ALCAM: variants seen among roughly 807,000 people sequenced by gnomAD.
The protein encoded by ALCAM is activated leukocyte cell adhesion molecule, also known as CD166 antigen.
ALCAM carries 30 observed loss-of-function variants against 70.9 expected under a neutral mutation model. That is an observed-to-expected ratio of 0.42 (90% confidence interval 0.32 to 0.57). The LOEUF (loss-of-function observed/expected upper bound fraction) is 0.57. Ranked by LOEUF, ALCAM falls within the 20% of genes least tolerant of loss-of-function variation. ALCAM has a pLI of 0.11. For missense variants in ALCAM, 591 were observed against 695.1 expected (o/e 0.85, Z 1.68); for synonymous variants, 249 against 242.5 (o/e 1.03, Z -0.25).
At chr3:105,409,254 T>C (rs895682941) in intron 1 of ALCAM, among the ~76,000 whole-genome samples, 2 of 152,120 alleles carry the variant, frequency 1.3e-5, no homozygotes, top group Non-Finnish European at 2.9e-5. Context: ...TGCATGTTTA[T>C]AGCAGCACAA....
chr3:105,524,227 A>C (rs1226434343), intron 2 of ALCAM, 62 bp from the exon 3 acceptor site: 1 of 1,351,244 alleles, frequency 7.4e-7, no homozygotes, highest in African/African-American at 1.5e-5. Flanking sequence ...TGTTATTTTG[A>C]ATGTAATCCT....
intron 1 of ALCAM, chr3:105,439,353 G>C (rs1480109280): frequency 2.0e-5 from 3 of 151,966 alleles, no homozygotes; most frequent in Non-Finnish European, 2.9e-5. Context: ...TTATTTGAAT[G>C]GTTTGTGCAA....
chr3:105,545,088 T>C (rs890663573), intron 8 of ALCAM, 135 bp from the exon 9 acceptor site: 25 of 666,534 alleles, frequency 3.8e-5, no homozygotes, highest in African/African-American at 3.6e-4. Flanking sequence ...CCAATTATTT[T>C]AGTCATATAA....
At chr3:105,434,271 A>G (rs529158879) in intron 1 of ALCAM, among the ~76,000 whole-genome samples, 1 of 152,290 alleles carries the variant, frequency 6.6e-6, no homozygotes, top group South Asian at 2.1e-4. Flanking sequence ...GTTTGACTAT[A>G]AAATATTTTA....
At chr3:105,413,840 A>T (rs942376146) in intron 1 of ALCAM, among the ~76,000 whole-genome samples, 1 of 152,146 alleles carries the variant, frequency 6.6e-6, no homozygotes, top group Non-Finnish European at 1.5e-5. Flanking sequence ...GTTTTTGACT[A>T]AAGTTTTGCA....
chr3:105,396,464 AAG>A (rs1491392182), intron 1 of ALCAM, among the ~76,000 whole-genome samples: 4 of 152,062 alleles, frequency 2.6e-5, no homozygotes, highest in African/African-American at 4.8e-5. Context: ...AATCTGGAGA[AAG>A]AGACAAAACT....
At chr3:105,415,549 T>C (rs1936487094) in intron 1 of ALCAM, among the ~76,000 whole-genome samples, 1 of 152,142 alleles carries the variant, frequency 6.6e-6, no homozygotes, top group South Asian at 2.1e-4. Flanking sequence ...AAAGAAACAT[T>C]TATTGGTTCT....
intron 1 of ALCAM, among the ~76,000 whole-genome samples, chr3:105,499,079 A>T (rs1295363259): frequency 6.6e-6 from 1 of 152,204 alleles, no homozygotes; most frequent in African/African-American, 2.4e-5. Context: ...ACAAATTACA[A>T]TAGTACAATA....
chr3:105,396,049 A>G (rs1017699818), intron 1 of ALCAM, among the ~76,000 whole-genome samples: 1 of 152,060 alleles, frequency 6.6e-6, no homozygotes. Context: ...GTGCAATTTC[A>G]AGAAGCCTTG....
At chr3:105,570,391 G>T (rs562947420) in intron 14 of ALCAM, among the ~76,000 whole-genome samples, 2 of 152,100 alleles carry the variant, frequency 1.3e-5, no homozygotes, top group East Asian at 1.9e-4. Flanking sequence ...ATTGACATTT[G>T]GGAACTGAAA....
At chr3:105,434,013 C>T (rs1936995634) in intron 1 of ALCAM, among the ~76,000 whole-genome samples, 1 of 152,040 alleles carries the variant, frequency 6.6e-6, no homozygotes, top group Non-Finnish European at 1.5e-5. Flanking sequence ...TTCATTGTCC[C>T]ACTAAGGGGG....
At chr3:105,565,438 T>A (rs1443824758) in intron 14 of ALCAM, among the ~76,000 whole-genome samples, 3 of 152,204 alleles carry the variant, frequency 2.0e-5, no homozygotes, top group Non-Finnish European at 4.4e-5. Context: ...CATGAAATTA[T>A]CATTTCTGAT....
chr3:105,502,172 C>T (rs534176506), intron 1 of ALCAM, among the ~76,000 whole-genome samples: 1 of 152,126 alleles, frequency 6.6e-6, no homozygotes, highest in African/African-American at 2.4e-5. Flanking sequence ...AATATTTAAG[C>T]CTTGTCTTAT....
intron 14 of ALCAM, among the ~76,000 whole-genome samples, chr3:105,561,956 A>T (rs1051436020): frequency 6.6e-6 from 1 of 152,190 alleles, no homozygotes; most frequent in African/African-American, 2.4e-5. Context: ...TACAGTTTTC[A>T]CTAGGCATTA....
intron 1 of ALCAM, among the ~76,000 whole-genome samples, chr3:105,419,054 G>A (rs1046622391): frequency 2.0e-5 from 3 of 151,306 alleles, no homozygotes; most frequent in Non-Finnish European, 4.4e-5. Flanking sequence ...GCATCTATGG[G>A]GTCTCTGATT....
At chr3:105,456,131 A>G (rs1363944857) in intron 1 of ALCAM, among the ~76,000 whole-genome samples, 1 of 152,184 alleles carries the variant, frequency 6.6e-6, no homozygotes, top group Non-Finnish European at 1.5e-5. Context: ...TGTAAATGTG[A>G]TTGCAGACCT....
At position 105,491,530 on chromosome 3, in the gene ALCAM, T is replaced by A. The variant is rs376665047; in HGVS notation, c.74-28537T>A. Among the ~76,000 whole-genome samples the A allele has an allele frequency of 3.3e-5, 5 of 152,324 alleles. 1 individual carries two copies. Among genetic ancestry groups the A allele is most frequent in the African/African-American group, 1.2e-4 (5 of 41,588 alleles). Reference sequence around the variant, plus strand: ...ACATAAGTTCCATTTCCAAATCATATCTTTGTGAATACATAAAACAATGCT... The same window carrying A: ...ACATAAGTTCCATTTCCAAATCATAACTTTGTGAATACATAAAACAATGCT... On this transcript the variant is annotated intron_variant, in intron 1 of 15. Coordinates refer to ENST00000306107, the MANE Select transcript of ALCAM (RefSeq NM_001627.4).
chr3:105,559,857 T>G (rs1286698531), intron 14 of ALCAM, among the ~76,000 whole-genome samples: 1 of 152,170 alleles, frequency 6.6e-6, no homozygotes, highest in Non-Finnish European at 1.5e-5. Context: ...CTTAACATGT[T>G]TTTGAGATTT....
At chr3:105,423,495 A>AG (rs1252303480) in intron 1 of ALCAM, among the ~76,000 whole-genome samples, 2 of 136,204 alleles carry the variant, frequency 1.5e-5, no homozygotes, top group African/African-American at 2.6e-5. Flanking sequence ...CTGTTCTTTC[A>AG]GGGAAAAAAA....
Sources: gnomAD v4.1 joint callset for allele counts (sites outside exome capture counted in the v4.1 genomes callset) on GRCh38, gnomAD v4.1.1 for gene constraint, MANE v1.5 for transcripts, NCBI Gene and HGNC (gene_info 2026-07-23, HGNC 2026-07-21) for gene names.